HNMT: variants seen among roughly 807,000 people sequenced by gnomAD.
HNMT encodes histamine N-methyltransferase.
A neutral mutation model predicts 32.1 loss-of-function variants in HNMT; 30 were observed. The observed-to-expected ratio is 0.93, with a 90% CI of 0.70 to 1.27. The LOEUF (loss-of-function observed/expected upper bound fraction) is 1.27, where lower values mean the gene tolerates loss of function less well. Ranked by LOEUF, HNMT falls within the 50% of genes most tolerant of loss-of-function variation. The pLI, the probability that HNMT is intolerant of heterozygous loss-of-function variation, is 0.00. For synonymous variants in HNMT, 125 were observed against 119.0 expected, an observed-to-expected ratio of 1.05 and a Z score of -0.33; for missense variants, 327 against 346.0, an observed-to-expected ratio of 0.95 and a Z score of 0.43.
intron 2 of HNMT, among the ~76,000 whole-genome samples, chr2:137,980,700 C>T (rs1217874998): frequency 6.6e-6 from 1 of 152,104 alleles, no homozygotes; most frequent in African/African-American, 2.4e-5. Context: ...AACCAGAAGA[C>T]ACATGAAAAC....
intron 2 of HNMT, among the ~76,000 whole-genome samples, chr2:137,983,453 A>G (rs920964818): frequency 6.6e-6 from 1 of 152,038 alleles, no homozygotes; most frequent in Non-Finnish European, 1.5e-5. Context: ...TGTATACAAT[A>G]TATATTGTAG....
intron 4 of HNMT, among the ~76,000 whole-genome samples, chr2:138,004,599 C>T (rs993031171): frequency 2.6e-5 from 4 of 152,034 alleles, no homozygotes; most frequent in African/African-American, 7.2e-5. Context: ...AGCAGATAAC[C>T]TCATGCTTTA....
At chr2:138,009,251 A>C (rs1681422746) in intron 5 of HNMT, among the ~76,000 whole-genome samples, 1 of 152,076 alleles carries the variant, frequency 6.6e-6, no homozygotes, top group African/African-American at 2.4e-5. Flanking sequence ...AAAAAATAAC[A>C]GATGCTGATG....
At chr2:138,008,817 A>C (rs1681409726) in intron 5 of HNMT, among the ~76,000 whole-genome samples, 2 of 152,084 alleles carry the variant, frequency 1.3e-5, no homozygotes, top group African/African-American at 4.8e-5. Flanking sequence ...AAAACCTGGA[A>C]GACAACCTAG....
intron 2 of HNMT, among the ~76,000 whole-genome samples, chr2:137,976,293 A>C (rs1472463626): frequency 7.1e-5 from 9 of 127,114 alleles, no homozygotes; most frequent in Admixed American, 2.4e-4. Context: ...AAAAAAAAAA[A>C]CCTGTCTATA....
In HNMT at chr2:137,964,578, C is replaced by A; in HGVS notation, c.87C>A (p.His29Gln). The change falls in exon 1 of 6, where the codon CAC becomes CAA. Residue 29 changes from histidine to glutamine, a missense_variant. Coordinates refer to ENST00000280097, the MANE Select transcript of HNMT (RefSeq NM_006895.3). ...GGTTTCTCAACCATTCCACGGAACA[C>A]CAGTGCATGCAGGAATTCATGGACA... ...FRRFLNHSTE[H>Q]QCMQEFMDKK... The A allele has an allele frequency of 6.2e-7, 1 of 1,613,680 alleles. No individual in the cohort carries two copies. The highest frequency in any genetic ancestry group is 8.5e-7 in the Non-Finnish European group (1 of 1,179,682).
At position 138,003,839 on chromosome 2, in the gene HNMT, C is replaced by T. The variant is rs1480436000; in HGVS notation, c.430-1293C>T. Among the ~76,000 whole-genome samples, 4 of 152,106 alleles carry T rather than the reference C, an allele frequency of 2.6e-5. 1 individual carries two copies. The highest frequency in any genetic ancestry group is 6.3e-3 in the Middle Eastern group (2 of 316). On this transcript the variant is annotated intron_variant, in intron 4 of 5. Transcript: ENST00000280097. ...CTCCTCTTATCAAAAACCACTCCCT[C>T]TGCTTAACCCTGGATCCCATTCTTT... is the stretch of plus-strand genomic sequence containing the variant.
chr2:137,984,697 T>C (rs561202930), intron 2 of HNMT, among the ~76,000 whole-genome samples: 1 of 152,340 alleles, frequency 6.6e-6, no homozygotes, highest in South Asian at 2.1e-4. Flanking sequence ...TTTGAGGTAA[T>C]TAACTATATT....
intron 2 of HNMT, among the ~76,000 whole-genome samples, chr2:137,996,570 C>T (rs957358616): frequency 6.6e-6 from 1 of 152,184 alleles, no homozygotes; most frequent in Non-Finnish European, 1.5e-5. Context: ...TAAGAAGAAT[C>T]AATATTATGA....
At chr2:138,009,544 A>G (rs1441539956) in intron 5 of HNMT, among the ~76,000 whole-genome samples, 1 of 152,068 alleles carries the variant, frequency 6.6e-6, no homozygotes, top group Non-Finnish European at 1.5e-5. Flanking sequence ...CCTATTTTAA[A>G]AAAATAGCAA....
intron 1 of HNMT, among the ~76,000 whole-genome samples, chr2:137,969,171 C>T (rs1573640124): frequency 6.6e-6 from 1 of 152,132 alleles, no homozygotes; most frequent in Non-Finnish European, 1.5e-5. Flanking sequence ...ACTCTGGTAC[C>T]TCTCTGTGCT....
chr2:138,010,441 G>GCGCACA (rs754762389), intron 5 of HNMT, among the ~76,000 whole-genome samples: 12 of 125,702 alleles, frequency 9.5e-5, no homozygotes, highest in South Asian at 5.8e-4. Context: ...AAAGACACAC[G>GCGCACA]CACACACACA....
intron 5 of HNMT, among the ~76,000 whole-genome samples, chr2:138,010,525 A>G (rs1368351170): frequency 6.6e-6 from 1 of 151,646 alleles, no homozygotes; most frequent in Non-Finnish European, 1.5e-5. Context: ...AGAACAAACA[A>G]CTAAAACTAT....
At chr2:137,994,658 G>A (rs758910185) in intron 2 of HNMT, among the ~76,000 whole-genome samples, 1 of 152,174 alleles carries the variant, frequency 6.6e-6, no homozygotes, top group Non-Finnish European at 1.5e-5. Flanking sequence ...CTCAGATCTG[G>A]ATCAAGTGGA....
At position 137,999,142 on chromosome 2, in the gene HNMT, T is replaced by C. The variant is rs558939290; in HGVS notation, c.191-1776T>C. ...GTGACTTAAACTTCAGGTATATCAA[T>C]ATCCCTTGAATGTCAACATACTCAA... On this transcript the variant is annotated intron_variant, in intron 2 of 5. Coordinates refer to ENST00000280097, the MANE Select transcript of HNMT (RefSeq NM_006895.3). Among the ~76,000 whole-genome samples the C allele has an allele frequency of 2.0e-5, 3 of 152,304 alleles. No homozygotes were observed. The South Asian group carries it at 6.2e-4, about 32-fold the overall frequency.
chr2:137,989,058 C>T (rs1680737685), intron 2 of HNMT, among the ~76,000 whole-genome samples: 2 of 152,128 alleles, frequency 1.3e-5, no homozygotes, highest in Admixed American at 1.3e-4. Context: ...CAATCTGCTA[C>T]AATTTATAAA....
chr2:137,969,025 T>C (rs1437874728), intron 1 of HNMT, among the ~76,000 whole-genome samples: 1 of 152,204 alleles, frequency 6.6e-6, no homozygotes, highest in Admixed American at 6.5e-5. Context: ...GCCATCTGAC[T>C]TCAGTCTTCA....
intron 1 of HNMT, chr2:137,967,138 T>G: frequency 5.1e-6 from 4 of 778,800 alleles, no homozygotes; most frequent in Non-Finnish European, 7.2e-6. Flanking sequence ...TGGCCAGATG[T>G]GTTGGTTCAC....
At chr2:137,964,699 C>T in intron 1 of HNMT, 71 bp downstream of exon 1, 1 of 1,492,972 alleles carries the variant, frequency 6.7e-7, no homozygotes, top group Admixed American at 1.7e-5. Context: ...AGATGGGTCT[C>T]GCTCAGCCTC....
Sources: allele counts gnomAD v4.1 joint callset (sites outside exome capture counted in the v4.1 genomes callset), GRCh38; gene constraint gnomAD v4.1.1; transcripts MANE v1.5; gene names NCBI Gene and HGNC (gene_info 2026-07-23, HGNC 2026-07-21).